The following SI variants were observed in gnomAD, a reference collection of about 807,000 sequenced individuals.
SI encodes sucrase-isomaltase, also known as sucrase-isomaltase, intestinal.
A neutral mutation model predicts 253.3 loss-of-function variants in SI; 235 were observed. That is an observed-to-expected ratio of 0.93 (90% confidence interval 0.83 to 1.03). The LOEUF (loss-of-function observed/expected upper bound fraction) is 1.03. Ranked by LOEUF, SI falls within the 50% of genes least tolerant of loss-of-function variation. The probability of loss-of-function intolerance (pLI) is 0.00; values close to 1 mark genes in which losing one functional copy is unlikely to be tolerated. For synonymous variants in SI, 819 were observed against 712.0 expected (o/e 1.15, Z -2.39); for missense variants, 2,442 against 2,211.1 (o/e 1.10, Z -2.09).
chr3:164,991,496 G>A lies in SI; in HGVS notation c.4984-19C>T, dbSNP rs767409745. The A allele has an allele frequency of 6.2e-7, 1 of 1,613,092 alleles. No homozygotes were observed. The highest frequency in any genetic ancestry group is 8.5e-7 in the Non-Finnish European group (1 of 1,179,298). ...CTTTGCCCTGGAAATGAAAGGGATG[G>A]AAAGAACAGGTGGAGCAAGAAATGG... On this transcript the variant is annotated intron_variant, in intron 43 of 47. Coordinates refer to ENST00000264382, the MANE Select transcript of SI (RefSeq NM_001041.4).
At position 165,059,952 on chromosome 3, in the gene SI, C is replaced by T. The variant is rs1560012831; in HGVS notation, c.1096G>A (p.Asp366Asn). Residue 366 changes from aspartate (D) to asparagine (N), a missense_variant, in exon 10 of 48, where the codon GAT (aspartate) becomes AAT (asparagine). Transcript: ENST00000264382. ...QLSRWNYKSL[D>N]VVKEVVRRNR... is the part of the protein sequence containing the mutation. ...CTCCTTACCACTTCTTTCACTACATCTAGTGACTTATAATTCCAGCGACTT... is the reference window on the plus strand; with the variant it reads ...CTCCTTACCACTTCTTTCACTACATTTAGTGACTTATAATTCCAGCGACTT... 5.0e-6 allele frequency: 8 copies of T among 1,611,178 alleles called. No homozygotes were observed. Among genetic ancestry groups the T allele is most frequent in the Non-Finnish European group, 6.8e-6 (8 of 1,177,786 alleles).
At chr3:164,981,828 A>G (rs1194716652) in intron 47 of SI, among the ~76,000 whole-genome samples, 1 of 152,164 alleles carries the variant, frequency 6.6e-6, no homozygotes, top group Non-Finnish European at 1.5e-5. Context: ...TATTATCTGT[A>G]TCATATGTAT....
At position 165,028,755 on chromosome 3, in the gene SI, G is replaced by T. The variant is rs573426876; in HGVS notation, c.2892+1957C>A. On this transcript the variant is annotated intron_variant, in intron 25 of 47. Coordinates refer to ENST00000264382, the MANE Select transcript of SI (RefSeq NM_001041.4). Reference sequence around the variant, plus strand: ...AGCCACATGCAGGAGAATAAAACTAGATTCTCATCTCTCACCTTACACAAA... The same window carrying T: ...AGCCACATGCAGGAGAATAAAACTATATTCTCATCTCTCACCTTACACAAA... Among the ~76,000 whole-genome samples, 22 of 151,498 alleles carry T rather than the reference G, an allele frequency of 1.5e-4. No homozygotes were observed. In the East Asian group the frequency reaches 3.5e-3, roughly 24 times the overall value.
chr3:165,041,724 A>G (rs2108220240), intron 17 of SI, among the ~76,000 whole-genome samples: 1 of 152,230 alleles, frequency 6.6e-6, no homozygotes, highest in South Asian at 2.1e-4. Context: ...TCAGCCAAGT[A>G]ACACTGATAT....
At chr3:165,047,138 T>C in intron 15 of SI, 126 bp from the exon 16 acceptor site, 1 of 692,942 alleles carries the variant, frequency 1.4e-6, no homozygotes, top group Non-Finnish European at 2.4e-6. Flanking sequence ...CCAAATCTCA[T>C]CTTGAATTGT....
chr3:165,016,162 A>G, intron 31 of SI, 82 bp from the exon 32 acceptor site: 1 of 1,262,910 alleles, frequency 7.9e-7, no homozygotes, highest in Non-Finnish European at 1.2e-6. Flanking sequence ...TTATAAAAGT[A>G]ACAGCAATAT....
intron 13 of SI, among the ~76,000 whole-genome samples, chr3:165,054,391 G>A (rs546332185): frequency 6.6e-6 from 1 of 151,798 alleles, no homozygotes; most frequent in South Asian, 2.1e-4. Context: ...TCTTTTCTGA[G>A]ACAGAGTTTC....
chr3:165,044,039 A>C (rs985874235), intron 16 of SI, among the ~76,000 whole-genome samples: 2 of 152,002 alleles, frequency 1.3e-5, no homozygotes, highest in Non-Finnish European at 2.9e-5. Flanking sequence ...AAAGTTCCAT[A>C]CCTTACCTCA....
intron 15 of SI, 73 bp from the exon 16 acceptor site, chr3:165,047,085 C>A (rs748876662): frequency 8.1e-7 from 1 of 1,232,698 alleles, no homozygotes; most frequent in Non-Finnish European, 1.1e-6. Context: ...TCTAAAATTT[C>A]ATAATTCCAA....
chr3:165,058,120 A>C, intron 12 of SI, among the ~76,000 whole-genome samples: 1 of 152,138 alleles, frequency 6.6e-6, no homozygotes. Context: ...AATCAGAAAT[A>C]AATAACAAGA....
Position 164,997,954 on chromosome 3 carries a change from C to T in SI, c.4540+586G>A, listed in dbSNP as rs559629895. On this transcript the variant is annotated intron_variant, in intron 38 of 47. Transcript: ENST00000264382. ...GAACTGGCGAATTCCATGTCTTTGT[C>T]GAAGAGTGTCTTTTGTGAATAGTGT... is the stretch of plus-strand genomic sequence containing the variant. Among the ~76,000 whole-genome samples, 40 of 151,648 alleles carry T rather than the reference C, an allele frequency of 2.6e-4. No homozygotes were observed. The South Asian group carries it at 3.3e-3, about 13-fold the overall frequency.
chr3:165,006,616 TA>T (rs1718521355), intron 37 of SI, among the ~76,000 whole-genome samples, 199 bp downstream of exon 37: 1 of 152,088 alleles, frequency 6.6e-6, no homozygotes, highest in African/African-American at 2.4e-5. Context: ...GAAATTAGAA[TA>T]ATAACAATAA....
Position 165,032,514 on chromosome 3 carries a change from G to T in SI, c.2736+8C>A. 1.3e-6 allele frequency: 2 copies of T among 1,572,574 alleles called. No homozygotes were observed. Among genetic ancestry groups the T allele is most frequent in the Non-Finnish European group, 1.7e-6 (2 of 1,145,142 alleles). ...GATAGCTAAAATATTTTAAAAGATT[G>T]TAATTACCTGGTTAGAAGCATCATA... On this transcript the variant is annotated splice_region_variant and intron_variant, in intron 24 of 47. Coordinates refer to ENST00000264382, the MANE Select transcript of SI (RefSeq NM_001041.4).
At position 164,979,350 on chromosome 3, in the gene SI, T is replaced by A; in HGVS notation, c.*12A>T. On this transcript the variant is annotated 3_prime_UTR_variant, in exon 48 of 48. Transcript: ENST00000264382. ...GTTTTTTCCCATTGACAACTAAAAT[T>A]GATGGTGATCTTCATGACCAGTTGA... The A allele has an allele frequency of 6.5e-7, 1 of 1,541,924 alleles. No homozygotes were observed. The highest frequency in any genetic ancestry group is 1.4e-5 in the African/African-American group (1 of 73,484).
chr3:165,067,206 G>T, intron 6 of SI, 134 bp downstream of exon 6: 1 of 629,694 alleles, frequency 1.6e-6, no homozygotes, highest in Non-Finnish European at 2.7e-6. Flanking sequence ...CTTTATCACC[G>T]TAATTTTTAT....
At position 165,065,403 on chromosome 3, in the gene SI, TAC is replaced by T; in HGVS notation, c.663_664del (p.Tyr222LeufsTer2). ...TGAGATCTGTAAGTACTGGTCAGAG[TAC>T]ACTAAGGGACCAATGCTGGTGTCAA... On this transcript the variant is annotated frameshift_variant, in exon 7 of 48. Coordinates refer to ENST00000264382, the MANE Select transcript of SI (RefSeq NM_001041.4). LOFTEE classifies it high-confidence loss of function. The T allele has an allele frequency of 6.4e-7, 1 of 1,568,078 alleles. No homozygotes were observed. Among genetic ancestry groups the T allele is most frequent in the Non-Finnish European group, 8.7e-7 (1 of 1,149,482 alleles).
intron 16 of SI, among the ~76,000 whole-genome samples, chr3:165,045,798 T>C (rs1283505520): frequency 6.6e-6 from 1 of 151,614 alleles, no homozygotes; most frequent in Non-Finnish European, 1.5e-5. Flanking sequence ...TTTTCAATTC[T>C]ATTCAGTTTA....
chr3:164,989,634 A>C (rs961703161), intron 44 of SI, among the ~76,000 whole-genome samples: 1 of 152,260 alleles, frequency 6.6e-6, no homozygotes, highest in African/African-American at 2.4e-5. Context: ...ATCACAAGAC[A>C]GATGAAGAGA....
chr3:165,082,926 G>A (rs571759054), upstream of SI, among the ~76,000 whole-genome samples: 1 of 151,962 alleles, frequency 6.6e-6, no homozygotes, highest in Non-Finnish European at 1.5e-5. Flanking sequence ...ATAGAGGCTA[G>A]AGAAAGGAAG....
Sources: allele counts gnomAD v4.1 joint callset (sites outside exome capture counted in the v4.1 genomes callset), GRCh38; gene constraint gnomAD v4.1.1; transcripts MANE v1.5; gene names NCBI Gene and HGNC (gene_info 2026-07-23, HGNC 2026-07-21).